BFSP1: variants seen among roughly 807,000 people sequenced by gnomAD.
BFSP1 encodes the protein beaded filament structural protein 1.
In BFSP1, 38 loss-of-function variants were observed where a neutral mutation model predicts 43.9. The observed-to-expected ratio is 0.87, with a 90% CI of 0.67 to 1.14. The LOEUF is 1.14. Ranked by LOEUF, BFSP1 falls within the 50% of genes most tolerant of loss-of-function variation. The probability of loss-of-function intolerance (pLI) is 0.00; values close to 1 mark genes in which losing one functional copy is unlikely to be tolerated. For synonymous variants in BFSP1, 352 were observed against 354.8 expected (o/e 0.99, Z 0.09); for missense variants, 850 against 875.1 (o/e 0.97, Z 0.36).
intron 1 of BFSP1, among the ~76,000 whole-genome samples, chr20:17,553,838 CACATATATATACATATATAT>C (rs2034941926): frequency 1.2e-5 from 1 of 84,690 alleles, no homozygotes; most frequent in Non-Finnish European, 2.1e-5. Context: ...TATATATATA[CACATATATATACATATATAT>C]ACACATATAT....
intron 5 of BFSP1, among the ~76,000 whole-genome samples, chr20:17,500,954 T>G (rs1414209660): frequency 6.6e-6 from 1 of 152,052 alleles, no homozygotes; most frequent in South Asian, 2.1e-4. Context: ...GAAGCCAGGG[T>G]GCACTGGAAC....
At chr20:17,567,468 T>C (rs1051378520) in intron 1 of BFSP1, among the ~76,000 whole-genome samples, 3 of 152,000 alleles carry the variant, frequency 2.0e-5, no homozygotes, top group African/African-American at 4.8e-5. Context: ...TAACTCAAAG[T>C]ATAGCATCTG....
intron 2 of BFSP1, 29 bp downstream of exon 2, chr20:17,524,819 A>G (rs1266924074): frequency 2.5e-6 from 4 of 1,608,316 alleles, no homozygotes; most frequent in Non-Finnish European, 3.4e-6. Context: ...TAATTAAGCT[A>G]CGTAAACCCA....
intron 1 of BFSP1, among the ~76,000 whole-genome samples, chr20:17,542,763 A>C (rs1413339831): frequency 1.3e-5 from 2 of 152,234 alleles, no homozygotes; most frequent in Admixed American, 1.3e-4. Flanking sequence ...CCTAAATTTA[A>C]ATGCTAAGTT....
At chr20:17,495,057 A>C (rs757664080) in intron 7 of BFSP1, 28 bp from the exon 8 acceptor site, 4 of 1,563,432 alleles carry the variant, frequency 2.6e-6, no homozygotes, top group Non-Finnish European at 3.5e-6. Flanking sequence ...CAGAAATTCA[A>C]GTATAATTGT....
chr20:17,533,720 C>T (rs2042811612), upstream of BFSP1, among the ~76,000 whole-genome samples: 1 of 152,220 alleles, frequency 6.6e-6, no homozygotes, highest in African/African-American at 2.4e-5. Flanking sequence ...TCCCATCATG[C>T]TGGAGTGGAG....
upstream of BFSP1, among the ~76,000 whole-genome samples, chr20:17,562,161 C>T (rs781229374): frequency 1.3e-5 from 2 of 151,614 alleles, no homozygotes; most frequent in African/African-American, 4.8e-5. Flanking sequence ...ACCTCGTGAT[C>T]GGTCCGCCTC....
intron 1 of BFSP1, among the ~76,000 whole-genome samples, chr20:17,549,535 G>A (rs1348597055): frequency 6.6e-6 from 1 of 152,120 alleles, no homozygotes; most frequent in African/African-American, 2.4e-5. Flanking sequence ...CCAAAGGGAT[G>A]GTGCCAAACC....
intron 1 of BFSP1, among the ~76,000 whole-genome samples, chr20:17,527,775 C>T (rs1473483955): frequency 6.6e-6 from 1 of 151,938 alleles, no homozygotes. Context: ...AGTGATTTCA[C>T]TACAAAGAAT....
chr20:17,524,201 CT>C (rs1343460186), intron 2 of BFSP1, among the ~76,000 whole-genome samples: 2 of 152,218 alleles, frequency 1.3e-5, no homozygotes, highest in Non-Finnish European at 2.9e-5. Flanking sequence ...CAGAATCATT[CT>C]GCTTTTTGGT....
chr20:17,509,075 G>T, intron 4 of BFSP1, 79 bp from the exon 5 acceptor site: 1 of 1,062,802 alleles, frequency 9.4e-7, no homozygotes, highest in Non-Finnish European at 1.3e-6. Flanking sequence ...GCCCTGGTAT[G>T]GACGGAATAT....
chr20:17,558,866 TGACTCACTG>T, exon 1 of BFSP1: 1 of 833,310 alleles, frequency 1.2e-6, no homozygotes, highest in Non-Finnish European at 1.8e-6. Flanking sequence ...AGAGAGGAAG[TGACTCACTG>T]GCTCAAGGGG....
intron 5 of BFSP1, among the ~76,000 whole-genome samples, chr20:17,503,390 T>C (rs550025343): frequency 4.2e-4 from 64 of 152,226 alleles, no homozygotes; most frequent in Non-Finnish European, 7.4e-4. Context: ...AAATTACATA[T>C]GAAGAGAATG....
rs147624343 is a variant in BFSP1, at chr20:17,522,166, C to T, written c.438+2682G>A. 4.3e-4 allele frequency among the ~76,000 whole-genome samples: 66 copies of T among 152,218 alleles called. 1 individual carries two copies. Among genetic ancestry groups the T allele is most frequent in the African/African-American group, 1.4e-3 (59 of 41,528 alleles). On this transcript the variant is annotated intron_variant, in intron 2 of 7. Transcript: ENST00000377873. ...TTCGTGTCTGGCCTCTGAGTAATAC[C>T]GGTTCCCTGACTATTCTTTGGAGGT...
In BFSP1 at chr20:17,541,857, T is replaced by C. The variant is rs928251489; in HGVS notation, c.2+16831A>G. ...GTGGTCCTTGTCTGTAAAATGCACT[T>C]GGACTGTCCTCGGTGACCCTAATTG... On this transcript the variant is annotated intron_variant, in intron 1 of 7. Transcript: ENST00000377868. Among the ~76,000 whole-genome samples the C allele has an allele frequency of 2.6e-5, 4 of 152,202 alleles. 1 individual carries two copies. The highest frequency in any genetic ancestry group is 5.9e-5 in the Non-Finnish European group (4 of 68,044).
chr20:17,562,777 T>C (rs368882319), upstream of BFSP1, among the ~76,000 whole-genome samples: 31 of 152,344 alleles, frequency 2.0e-4, no homozygotes, highest in East Asian at 1.2e-3. Context: ...CATGTGGTAC[T>C]GTATCCTTCC....
rs778044727 is a variant in BFSP1, at chr20:17,508,865, C to T, written c.735+24G>A. 5 of 1,528,178 alleles carry T rather than the reference C, an allele frequency of 3.3e-6. No homozygotes were observed. The East Asian group carries it at 9.6e-5, about 29-fold the overall frequency. 94.7% of individuals were successfully genotyped at this position (1,528,178 alleles called of 1,614,324 possible). A position where few individuals can be genotyped will look rare whatever the true frequency, so the allele number is the denominator to read the frequency against. On this transcript the variant is annotated intron_variant, in intron 5 of 7. Coordinates refer to ENST00000377873, the MANE Select transcript of BFSP1 (RefSeq NM_001195.5). ...ATGAAACATGTGGGAAGCCCCAATG[C>T]ACACGCGGCAGACTCGAGCGTACCT...
At chr20:17,541,342 A>G in intron 1 of BFSP1, 1 of 830,720 alleles carries the variant, frequency 1.2e-6, no homozygotes. Flanking sequence ...ATTACAAGGG[A>G]TCTTACCAGC....
intron 1 of BFSP1, among the ~76,000 whole-genome samples, chr20:17,557,670 A>C (rs540543849): frequency 1.3e-5 from 2 of 152,114 alleles, no homozygotes; most frequent in Non-Finnish European, 2.9e-5. Context: ...GTTTTATTTG[A>C]AGCATAGAAT....
Sources: gnomAD v4.1 joint callset for allele counts (sites outside exome capture counted in the v4.1 genomes callset) on GRCh38, gnomAD v4.1.1 for gene constraint, MANE v1.5 for transcripts, NCBI Gene and HGNC (gene_info 2026-07-23, HGNC 2026-07-21) for gene names.